PIK3C2A: variants seen among roughly 807,000 people sequenced by gnomAD.
PIK3C2A encodes the protein phosphatidylinositol 4-phosphate 3-kinase C2 domain-containing subunit alpha.
A neutral mutation model predicts 204.5 loss-of-function variants in PIK3C2A; 97 were observed. The observed-to-expected ratio is 0.47, with a 90% CI of 0.40 to 0.56. PIK3C2A has a LOEUF of 0.56. Ranked by LOEUF, PIK3C2A falls within the 20% of genes least tolerant of loss-of-function variation. The pLI is 0.00. For synonymous variants in PIK3C2A, 653 were observed against 664.4 expected (o/e 0.98, Z 0.26); for missense variants, 1,735 against 1,969.2 (o/e 0.88, Z 2.25).
intron 13 of PIK3C2A, among the ~76,000 whole-genome samples, chr11:17,123,496 A>G (rs1565257652): frequency 6.8e-6 from 1 of 146,154 alleles, no homozygotes; most frequent in Non-Finnish European, 1.5e-5. Flanking sequence ...TGAGGCTCAT[A>G]TGATCTGCCT....
intron 1 of PIK3C2A, among the ~76,000 whole-genome samples, chr11:17,187,309 G>A (rs897338634): frequency 2.0e-5 from 3 of 152,172 alleles, no homozygotes; most frequent in Non-Finnish European, 4.4e-5. Context: ...AAACTACAGA[G>A]AGATGACACA....
chr11:17,125,319 A>G (rs1849487744), intron 13 of PIK3C2A, among the ~76,000 whole-genome samples: 2 of 152,266 alleles, frequency 1.3e-5, no homozygotes, highest in Admixed American at 1.3e-4. Flanking sequence ...ACTGGCATCT[A>G]ATGGGTAGAA....
At position 17,089,700 on chromosome 11, in the gene PIK3C2A, T is replaced by C; in HGVS notation, c.*38A>G. 7.0e-7 allele frequency: 1 copy of C among 1,431,698 alleles called. No homozygotes were observed. The highest frequency in any genetic ancestry group is 9.8e-7 in the Non-Finnish European group (1 of 1,021,472). 88.7% of individuals were successfully genotyped at this position (1,431,698 alleles called of 1,614,324 possible). On this transcript the variant is annotated 3_prime_UTR_variant, in exon 33 of 33. Coordinates refer to ENST00000691414, the MANE Select transcript of PIK3C2A (RefSeq NM_002645.4). Reference sequence around the variant, plus strand: ...GTGTGCATGTATGCATGCACGTTTATAACTGTTCATGCTTCCAAAGCTCAA... The same window carrying C: ...GTGTGCATGTATGCATGCACGTTTACAACTGTTCATGCTTCCAAAGCTCAA...
chr11:17,136,023 C>T (rs1041806869), intron 9 of PIK3C2A, among the ~76,000 whole-genome samples: 2 of 152,166 alleles, frequency 1.3e-5, no homozygotes, highest in Non-Finnish European at 2.9e-5. Context: ...GGGAAGGCCC[C>T]TAACTTGGCT....
At chr11:17,130,025 C>T (rs1381279781) in intron 12 of PIK3C2A, among the ~76,000 whole-genome samples, 1 of 151,938 alleles carries the variant, frequency 6.6e-6, no homozygotes, top group Non-Finnish European at 1.5e-5. Flanking sequence ...CTTACAAATG[C>T]CTTTGAGATT....
intron 9 of PIK3C2A, among the ~76,000 whole-genome samples, chr11:17,135,674 T>A (rs893243017): frequency 1.2e-4 from 10 of 81,896 alleles, no homozygotes; most frequent in African/African-American, 4.9e-4. Context: ...AGTAATTTCA[T>A]ATATGTGTGT....
At chr11:17,102,296 G>A (rs1209538986) in intron 24 of PIK3C2A, among the ~76,000 whole-genome samples, 1 of 152,190 alleles carries the variant, frequency 6.6e-6, no homozygotes, top group East Asian at 1.9e-4. Context: ...AATTAGCCGG[G>A]CGTGGTGGCG....
At chr11:17,204,027 T>C (rs1463566189) in intron 1 of PIK3C2A, among the ~76,000 whole-genome samples, 1 of 149,960 alleles carries the variant, frequency 6.7e-6, no homozygotes, top group South Asian at 2.1e-4. Flanking sequence ...TGAGCGGAGA[T>C]CACGCCACTG....
At chr11:17,206,289 A>G (rs186419976) in intron 1 of PIK3C2A, among the ~76,000 whole-genome samples, 1 of 152,222 alleles carries the variant, frequency 6.6e-6, no homozygotes, top group Non-Finnish European at 1.5e-5. Context: ...GAAACTCCAT[A>G]TGTGCTTTCT....
At chr11:17,162,839 G>A (rs1850823017) in intron 2 of PIK3C2A, among the ~76,000 whole-genome samples, 1 of 152,104 alleles carries the variant, frequency 6.6e-6, no homozygotes, top group Admixed American at 6.5e-5. Flanking sequence ...CACAACCTGA[G>A]AGCAACCATC....
At chr11:17,152,223 T>C (rs1351808607) in intron 3 of PIK3C2A, among the ~76,000 whole-genome samples, 1 of 152,192 alleles carries the variant, frequency 6.6e-6, no homozygotes, top group Non-Finnish European at 1.5e-5. Flanking sequence ...GTTACGTATA[T>C]TTTATCACAA....
intron 2 of PIK3C2A, among the ~76,000 whole-genome samples, chr11:17,165,627 T>G (rs1209150770): frequency 6.6e-6 from 1 of 151,590 alleles, no homozygotes; most frequent in African/African-American, 2.4e-5. Context: ...AATACAAAAT[T>G]AGCCGGTCGT....
At chr11:17,174,189 T>C (rs1489484210) in intron 1 of PIK3C2A, among the ~76,000 whole-genome samples, 1 of 152,178 alleles carries the variant, frequency 6.6e-6, no homozygotes, top group Non-Finnish European at 1.5e-5. Flanking sequence ...GCATTTCTAA[T>C]GGCACAAGAG....
At chr11:17,175,833 A>G (rs568488117) in intron 1 of PIK3C2A, among the ~76,000 whole-genome samples, 4 of 152,328 alleles carry the variant, frequency 2.6e-5, no homozygotes, top group Admixed American at 6.5e-5. Context: ...AGAAAACAGA[A>G]AAAAGCAAGT....
At chr11:17,115,551 G>GAAAAAAA (rs35301968) in intron 19 of PIK3C2A, 1 of 93,670 alleles carries the variant, frequency 1.1e-5, no homozygotes, top group Non-Finnish European at 2.0e-5. Context: ...GGAAAAAAAG[G>GAAAAAAA]AAAAAAAAAA....
At chr11:17,174,593 C>CAAA (rs71047532) in intron 1 of PIK3C2A, among the ~76,000 whole-genome samples, 6 of 35,670 alleles carry the variant, frequency 1.7e-4, no homozygotes, top group African/African-American at 2.8e-4. Flanking sequence ...GACTCCGTCT[C>CAAA]AAAAAAAAAA....
intron 8 of PIK3C2A, among the ~76,000 whole-genome samples, chr11:17,144,847 A>T (rs1850177696): frequency 7.2e-6 from 1 of 138,720 alleles, no homozygotes; most frequent in Non-Finnish European, 1.5e-5. Flanking sequence ...GAGAGCCGAG[A>T]TCGTGCCACT....
intron 1 of PIK3C2A, among the ~76,000 whole-genome samples, chr11:17,173,375 C>G (rs1227607079): frequency 6.6e-6 from 1 of 152,178 alleles, no homozygotes; most frequent in Admixed American, 6.5e-5. Flanking sequence ...GGAAAGAAAG[C>G]TTTTCTTTGA....
intron 2 of PIK3C2A, among the ~76,000 whole-genome samples, chr11:17,157,459 CAAAAAAAAA>C (rs11387654): frequency 5.0e-5 from 5 of 99,650 alleles, no homozygotes; most frequent in African/African-American, 2.0e-4. Flanking sequence ...GACTCTGTCT[CAAAAAAAAA>C]AAAAAAAAAA....
Sources: allele counts gnomAD v4.1 joint callset (sites outside exome capture counted in the v4.1 genomes callset), GRCh38; gene constraint gnomAD v4.1.1; transcripts MANE v1.5; gene names NCBI Gene and HGNC (gene_info 2026-07-23, HGNC 2026-07-21).